Variants in BRAF observed in about 807,000 individuals in gnomAD.
BRAF encodes the protein serine/threonine-protein kinase B-raf.
A neutral mutation model predicts 104.6 loss-of-function variants in BRAF; 16 were observed. The observed-to-expected ratio is 0.15, with a 90% confidence interval of 0.10 to 0.23. The LOEUF is 0.23. BRAF is among the 10% of genes least tolerant of loss of function. BRAF has a pLI of 1.00. For missense variants in BRAF, 541 were observed against 937.3 expected (o/e 0.58, Z 5.52); for synonymous variants, 310 against 341.6 (o/e 0.91, Z 1.02).
chr7:140,856,281 G>A (rs1809769896), intron 1 of BRAF, among the ~76,000 whole-genome samples: 1 of 151,594 alleles, frequency 6.6e-6, no homozygotes, highest in African/African-American at 2.4e-5. Context: ...GGGAGGGAAG[G>A]GAGAGACAGA....
intron 10 of BRAF, among the ~76,000 whole-genome samples, chr7:140,784,457 T>C (rs979531013): frequency 1.3e-5 from 2 of 152,172 alleles, no homozygotes. Flanking sequence ...TATCACTTAA[T>C]TTAGTTGTAT....
At chr7:140,887,394 G>A (rs1813689227) in intron 1 of BRAF, among the ~76,000 whole-genome samples, 1 of 152,122 alleles carries the variant, frequency 6.6e-6, no homozygotes, top group African/African-American at 2.4e-5. Context: ...CTTTGATATA[G>A]GACCAACAAT....
At chr7:140,917,570 G>T (rs1817755453) in intron 1 of BRAF, among the ~76,000 whole-genome samples, 1 of 152,100 alleles carries the variant, frequency 6.6e-6, no homozygotes, top group Non-Finnish European at 1.5e-5. Flanking sequence ...AGTCCAGCCT[G>T]GGCAATACAG....
Position 140,735,742 on chromosome 7 carries a change from G to C in BRAF, c.2248-972C>G, listed in dbSNP as rs56797120. Among the ~76,000 whole-genome samples the C allele has an allele frequency of 1.6e-3, 249 of 152,130 alleles. 1 individual carries two copies. Among genetic ancestry groups the C allele is most frequent in the African/African-American group, 5.8e-3 (241 of 41,490 alleles). ...CAGCTAAATTTTTGTATTTTTAGCAGAGACAGGGTTTCACCACGTTGGCCA... is the reference window on the plus strand; with the variant it reads ...CAGCTAAATTTTTGTATTTTTAGCACAGACAGGGTTTCACCACGTTGGCCA... On this transcript the variant is annotated intron_variant, in intron 18 of 19. Transcript: ENST00000644969.
intron 19 of BRAF, chr7:140,734,236 T>A: frequency 8.6e-7 from 1 of 1,163,310 alleles, no homozygotes; most frequent in Non-Finnish European, 1.1e-6. Flanking sequence ...TAGGGTCTTC[T>A]TCTGGAGTCC....
At chr7:140,896,863 C>CA (rs766150256) in intron 1 of BRAF, among the ~76,000 whole-genome samples, 3,556 of 36,124 alleles carry the variant, frequency 0.098, 365 homozygotes, top group African/African-American at 0.2. Flanking sequence ...GACTCCATCT[C>CA]AAAAAAAAAA....
chr7:140,738,572 T>A (rs996844434), intron 18 of BRAF, among the ~76,000 whole-genome samples: 1 of 152,210 alleles, frequency 6.6e-6, no homozygotes, highest in Non-Finnish European at 1.5e-5. Flanking sequence ...TATTATAATA[T>A]CTACTACAGC....
intron 11 of BRAF, 49 bp from the exon 11 acceptor site, chr7:140,781,742 A>C: frequency 1.4e-6 from 2 of 1,469,398 alleles, no homozygotes; most frequent in Non-Finnish European, 9.5e-7. Flanking sequence ...AGAAAAAGAA[A>C]ACCTTATGTT....
intron 3 of BRAF, among the ~76,000 whole-genome samples, chr7:140,832,043 C>T (rs1806818036): frequency 6.6e-6 from 1 of 152,140 alleles, no homozygotes; most frequent in Admixed American, 6.5e-5. Flanking sequence ...CATATATTTT[C>T]CATCTTCCAG....
chr7:140,873,926 A>G (rs1013356212), intron 1 of BRAF, among the ~76,000 whole-genome samples: 4 of 152,240 alleles, frequency 2.6e-5, no homozygotes, highest in Admixed American at 2.6e-4. Context: ...CTTTAGCTTG[A>G]CATTAAGCTA....
At position 140,727,782 on chromosome 7, in the gene BRAF, G is replaced by A. The variant is rs551892776; in HGVS notation, c.2402-1266C>T. Among the ~76,000 whole-genome samples, 12 of 152,010 alleles carry A rather than the reference G, an allele frequency of 7.9e-5. No individual in the cohort carries two copies. The South Asian group carries it at 1.0e-3, about 13-fold the overall frequency. Reference sequence around the variant, plus strand: ...ACTACAGGCACATGAAGCCACGCCCGGCTAATTTTTTTGTATTTTTAGTAG... The same window carrying A: ...ACTACAGGCACATGAAGCCACGCCCAGCTAATTTTTTTGTATTTTTAGTAG... On this transcript the variant is annotated intron_variant, in intron 19 of 19. Transcript: ENST00000644969.
intron 1 of BRAF, among the ~76,000 whole-genome samples, chr7:140,867,673 G>C (rs991781152): frequency 6.6e-6 from 1 of 152,172 alleles, no homozygotes; most frequent in Admixed American, 6.5e-5. Flanking sequence ...CATGAACAGA[G>C]ATAGGAAGGA....
chr7:140,892,864 G>A (rs1049097704), intron 1 of BRAF, among the ~76,000 whole-genome samples: 1 of 152,184 alleles, frequency 6.6e-6, no homozygotes, highest in African/African-American at 2.4e-5. Context: ...CTAGAGGAGA[G>A]AACTGATCAC....
chr7:140,920,009 T>C (rs1818045884), intron 1 of BRAF, among the ~76,000 whole-genome samples: 1 of 152,088 alleles, frequency 6.6e-6, no homozygotes, highest in South Asian at 2.1e-4. Context: ...CGACCAGCCC[T>C]ACTGCCACAT....
intron 3 of BRAF, among the ~76,000 whole-genome samples, chr7:140,815,803 T>G (rs1024418261): frequency 1.3e-5 from 2 of 152,108 alleles, no homozygotes; most frequent in Middle Eastern, 3.4e-3. Context: ...TTCATTAAAG[T>G]AGAAAAAGGA....
rs1379124604 is a variant in BRAF at position 140,720,710 on chromosome 7, G to A, written c.*5784C>T. 6 of 1,065,506 alleles carry A rather than the reference G, an allele frequency of 5.6e-6. No individual in the cohort carries two copies. Among genetic ancestry groups the A allele is most frequent in the Non-Finnish European group, 6.8e-6 (6 of 879,576 alleles). 66.0% of individuals were successfully genotyped at this position (1,065,506 alleles called of 1,614,324 possible). A position where few individuals can be genotyped will look rare whatever the true frequency, so the allele number is the denominator to read the frequency against. On this transcript the variant is annotated 3_prime_UTR_variant, in exon 20 of 20. Coordinates refer to ENST00000644969, the MANE Select transcript of BRAF (RefSeq NM_001374258.1). The stretch of plus-strand genomic sequence containing the variant: ...TGTTCTCTACATCTGTGCCTACTCT[G>A]TGAGCTTTGTTGTTTATGCTAGTTT...
chr7:140,918,059 T>C (rs894892093), intron 1 of BRAF, among the ~76,000 whole-genome samples: 1 of 152,204 alleles, frequency 6.6e-6, no homozygotes, highest in Non-Finnish European at 1.5e-5. Context: ...TTGTTGAAAT[T>C]TTCTACACAG....
chr7:140,765,454 C>G (rs1799212410), intron 14 of BRAF, among the ~76,000 whole-genome samples: 1 of 152,156 alleles, frequency 6.6e-6, no homozygotes, highest in Non-Finnish European at 1.5e-5. Context: ...CAAATGGGAT[C>G]TAACTAAACT....
intron 3 of BRAF, among the ~76,000 whole-genome samples, chr7:140,822,117 T>C (rs890643145): frequency 1.3e-5 from 2 of 152,086 alleles, no homozygotes; most frequent in African/African-American, 2.4e-5. Flanking sequence ...TCATGCAATA[T>C]ACCCAGATAA....
Sources: gnomAD v4.1 joint callset for allele counts (sites outside exome capture counted in the v4.1 genomes callset) on GRCh38, gnomAD v4.1.1 for gene constraint, MANE v1.5 for transcripts, NCBI Gene and HGNC (gene_info 2026-07-23, HGNC 2026-07-21) for gene names.